The following PCDH9 variants were observed in gnomAD, a reference collection of about 807,000 sequenced individuals.
PCDH9 encodes protocadherin 9.
A neutral mutation model predicts 70.6 loss-of-function variants in PCDH9; 24 were observed. The observed-to-expected ratio is 0.34, with a 90% CI of 0.25 to 0.48. The LOEUF (loss-of-function observed/expected upper bound fraction) is 0.48, where lower values mean the gene tolerates loss of function less well. Among genes scored for constraint, PCDH9 ranks in the 20% least tolerant of loss-of-function variants. PCDH9 has a pLI of 0.99. For synonymous variants in PCDH9, 562 were observed against 558.5 expected, an observed-to-expected ratio of 1.01 and a Z score of -0.09; for missense variants, 1,281 against 1,503.6, an observed-to-expected ratio of 0.85 and a Z score of 2.45.
At chr13:66,807,519 TC>T (rs2080429899) in intron 3 of PCDH9, among the ~76,000 whole-genome samples, 1 of 152,198 alleles carries the variant, frequency 6.6e-6, no homozygotes, top group South Asian at 2.1e-4. Flanking sequence ...ATGTATAAGT[TC>T]CTTAACTTCT....
intron 4 of PCDH9, among the ~76,000 whole-genome samples, chr13:66,397,471 T>TGC (rs1255869858): frequency 9.0e-4 from 55 of 61,344 alleles, no homozygotes; most frequent in African/African-American, 2.7e-3. Flanking sequence ...TATATATGTG[T>TGC]GTGTGTGTAT....
chr13:66,576,147 T>G (rs1210703218), intron 4 of PCDH9, among the ~76,000 whole-genome samples: 1 of 151,850 alleles, frequency 6.6e-6, no homozygotes, highest in Non-Finnish European at 1.5e-5. Context: ...CAACATGAGG[T>G]TAGAAGCTAT....
At chr13:67,154,705 C>CT (rs869190537) in intron 2 of PCDH9, among the ~76,000 whole-genome samples, 937 of 85,276 alleles carry the variant, frequency 0.011, 20 homozygotes, top group African/African-American at 0.026. Context: ...GATCTGTAAT[C>CT]TTTTTTTTTT....
intron 4 of PCDH9, among the ~76,000 whole-genome samples, chr13:66,336,804 C>G (rs1468987488): frequency 1.3e-5 from 2 of 151,942 alleles, no homozygotes; most frequent in South Asian, 2.1e-4. Context: ...GTTGTTTTAT[C>G]AACCTCAGCC....
chr13:66,437,404 C>CAAAAAAAAAAAAAAA (rs66796123), intron 4 of PCDH9, among the ~76,000 whole-genome samples: 20 of 45,588 alleles, frequency 4.4e-4, no homozygotes, highest in African/African-American at 1.4e-3. Context: ...GACTCTGTCT[C>CAAAAAAAAAAAAAAA]AAAAAAAAAA....
At chr13:66,587,859 T>C (rs2076984243) in intron 4 of PCDH9, among the ~76,000 whole-genome samples, 1 of 150,944 alleles carries the variant, frequency 6.6e-6, no homozygotes, top group Non-Finnish European at 1.5e-5. Flanking sequence ...TCAAACCAAA[T>C]AAAATATTGC....
At chr13:66,585,745 CT>C (rs1462704884) in intron 4 of PCDH9, among the ~76,000 whole-genome samples, 1 of 151,992 alleles carries the variant, frequency 6.6e-6, no homozygotes, top group Admixed American at 6.6e-5. Flanking sequence ...TGGTCTTTTT[CT>C]TTCTTTCTTT....
At chr13:66,996,923 A>G (rs1013102023) in intron 2 of PCDH9, among the ~76,000 whole-genome samples, 1 of 152,208 alleles carries the variant, frequency 6.6e-6, no homozygotes, top group Non-Finnish European at 1.5e-5. Flanking sequence ...AGAGAAAAAG[A>G]GTTGTTGACA....
Position 67,157,605 on chromosome 13 carries a change from T to C in PCDH9, c.3036+67800A>G, listed in dbSNP as rs1055021628. Among the ~76,000 whole-genome samples the C allele has an allele frequency of 2.6e-5, 4 of 152,280 alleles. No homozygotes were observed. The East Asian group carries it at 5.8e-4, about 22-fold the overall frequency. ...AACATCATGCAAAACTAAATGTCTG[T>C]AACTGAGTGATTTCTTTAATTGGAT... On this transcript the variant is annotated intron_variant, in intron 2 of 4. Coordinates refer to ENST00000377865, the MANE Select transcript of PCDH9 (RefSeq NM_203487.3).
intron 3 of PCDH9, among the ~76,000 whole-genome samples, chr13:66,634,770 G>C (rs2077615904): frequency 6.6e-6 from 1 of 152,102 alleles, no homozygotes; most frequent in Non-Finnish European, 1.5e-5. Flanking sequence ...TGGTTTTAAA[G>C]ATGTGATTCC....
intron 4 of PCDH9, among the ~76,000 whole-genome samples, chr13:66,305,328 G>A (rs1955446628): frequency 1.3e-5 from 2 of 151,838 alleles, no homozygotes; most frequent in African/African-American, 2.4e-5. Context: ...TAACCATGAT[G>A]TATACAGATA....
chr13:66,852,400 C>T (rs1157376404), intron 3 of PCDH9, among the ~76,000 whole-genome samples: 1 of 152,114 alleles, frequency 6.6e-6, no homozygotes, highest in Admixed American at 6.5e-5. Context: ...ATCTTAGTTT[C>T]TCTCTTCCTA....
At chr13:66,702,860 G>A (rs2078664694) in intron 3 of PCDH9, among the ~76,000 whole-genome samples, 1 of 152,124 alleles carries the variant, frequency 6.6e-6, no homozygotes, top group African/African-American at 2.4e-5. Context: ...TATACAGTAT[G>A]GAAGTTTTAT....
intron 4 of PCDH9, among the ~76,000 whole-genome samples, chr13:66,553,930 A>G (rs1402734243): frequency 1.3e-5 from 2 of 152,164 alleles, no homozygotes; most frequent in African/African-American, 2.4e-5. Context: ...TTCCATTTAC[A>G]TAGAGTTCAT....
intron 3 of PCDH9, among the ~76,000 whole-genome samples, chr13:66,834,845 A>G (rs1489585178): frequency 6.6e-6 from 1 of 152,260 alleles, no homozygotes; most frequent in East Asian, 1.9e-4. Context: ...CTAATGAACC[A>G]TGGAACGCTT....
At chr13:66,607,112 T>G (rs2077231004) in intron 4 of PCDH9, among the ~76,000 whole-genome samples, 1 of 152,122 alleles carries the variant, frequency 6.6e-6, no homozygotes, top group Non-Finnish European at 1.5e-5. Flanking sequence ...ATAAAAATAT[T>G]AAGATTAAAA....
At chr13:66,358,395 A>G (rs1956418699) in intron 4 of PCDH9, among the ~76,000 whole-genome samples, 2 of 151,962 alleles carry the variant, frequency 1.3e-5, no homozygotes, top group African/African-American at 4.8e-5. Context: ...TGTTACATCA[A>G]AATAAGAGGG....
At position 66,370,387 on chromosome 13, in the gene PCDH9, C is replaced by A. The variant is rs540695108; in HGVS notation, c.3341-65359G>T. ...TCTCCAGTACTTTCCCATTGTTTACCCCTTTTTGTTTCGGTAAAGTGTGTT... is the reference window on the plus strand; with the variant it reads ...TCTCCAGTACTTTCCCATTGTTTACACCTTTTTGTTTCGGTAAAGTGTGTT... On this transcript the variant is annotated intron_variant, in intron 4 of 4. Transcript: ENST00000377865. Among the ~76,000 whole-genome samples, 13 of 152,084 alleles carry A rather than the reference C, an allele frequency of 8.5e-5. No homozygotes were observed. In the South Asian group the frequency reaches 2.3e-3, roughly 27 times the overall value.
At position 66,846,909 on chromosome 13, in the gene PCDH9, A is replaced by AC. The variant is rs71110612; in HGVS notation, c.3138+56594_3138+56595insG. ...TACACACACACACACACACACACAC[A>AC]AACACACACAGAGTATATCACTAAA... On this transcript the variant is annotated intron_variant, in intron 3 of 4. Transcript: ENST00000377865. Among the ~76,000 whole-genome samples, 14 of 151,670 alleles carry AC rather than the reference A, an allele frequency of 9.2e-5. 1 individual carries two copies. The highest frequency in any genetic ancestry group is 4.2e-4 in the South Asian group (2 of 4,798).
Sources: gnomAD v4.1 joint callset for allele counts (sites outside exome capture counted in the v4.1 genomes callset) on GRCh38, gnomAD v4.1.1 for gene constraint, MANE v1.5 for transcripts, NCBI Gene and HGNC (gene_info 2026-07-23, HGNC 2026-07-21) for gene names.